Variants in PRKCD observed in about 807,000 individuals in gnomAD.
PRKCD encodes the protein protein kinase C delta, also known as protein kinase C delta type.
A neutral mutation model predicts 82.2 loss-of-function variants in PRKCD; 20 were observed. The observed-to-expected ratio is 0.24, with a 90% CI of 0.17 to 0.35. The LOEUF is 0.35. PRKCD is among the 10% of genes least tolerant of loss of function. PRKCD has a pLI of 1.00. For missense variants in PRKCD, 607 were observed against 899.0 expected (o/e 0.68, Z 4.15); for synonymous variants, 317 against 337.0 (o/e 0.94, Z 0.65).
chr3:53,176,668 C>A (rs1553665968), intron 2 of PRKCD, among the ~76,000 whole-genome samples: 1 of 152,258 alleles, frequency 6.6e-6, no homozygotes, highest in African/African-American at 2.4e-5. Flanking sequence ...CCTGTGTGTC[C>A]TTCACAAGTG....
chr3:53,173,072 C>T (rs1038372781), intron 2 of PRKCD, among the ~76,000 whole-genome samples: 7 of 152,238 alleles, frequency 4.6e-5, no homozygotes, highest in African/African-American at 1.4e-4. Context: ...TCACCTTTGA[C>T]AAAACCATTA....
In PRKCD at chr3:53,192,412, C is replaced by T. The variant is rs931952541; in HGVS notation, c.*146C>T. On this transcript the variant is annotated 3_prime_UTR_variant, in exon 19 of 19. Coordinates refer to ENST00000330452, the MANE Select transcript of PRKCD (RefSeq NM_006254.4). Reference sequence around the variant, plus strand: ...CTTGGCTGCCGTCTGGCCGGGCTCTCATGGTACTTCCTCTGTGAACTGTGT... The same window carrying T: ...CTTGGCTGCCGTCTGGCCGGGCTCTTATGGTACTTCCTCTGTGAACTGTGT... 5.9e-6 allele frequency: 5 copies of T among 853,830 alleles called. No individual in the cohort carries two copies. Among genetic ancestry groups the T allele is most frequent in the Non-Finnish European group, 9.2e-6 (5 of 542,326 alleles). The allele number at this position is 853,830 out of a possible 1,614,324, so 52.9% of individuals were successfully genotyped here.
At chr3:53,165,346 C>T (rs1349921586) in intron 2 of PRKCD, 131 bp downstream of exon 2, 1 of 152,294 alleles carries the variant, frequency 6.6e-6, no homozygotes, top group Non-Finnish European at 1.5e-5. Context: ...GTTGTGGGCC[C>T]TGTGTGCCCA....
intron 15 of PRKCD, 76 bp downstream of exon 15, chr3:53,187,478 C>A: frequency 6.6e-7 from 1 of 1,504,530 alleles, no homozygotes; most frequent in Non-Finnish European, 9.2e-7. Flanking sequence ...ATGCTCCAAG[C>A]AGGATCCCCC....
Position 53,183,212 on chromosome 3 carries a change from C to A in PRKCD, c.657+6C>A. ...CCAACAGCCGGGACACTATAGTGAG[C>A]CTGGGTCCGGGGCAGGGCTGGGGAT... On this transcript the variant is annotated splice_donor_region_variant and intron_variant, in intron 8 of 18. Coordinates refer to ENST00000330452, the MANE Select transcript of PRKCD (RefSeq NM_006254.4). 1 of 1,613,798 alleles carries A rather than the reference C, an allele frequency of 6.2e-7. No individual in the cohort carries two copies. The highest frequency in any genetic ancestry group is 8.5e-7 in the Non-Finnish European group (1 of 1,179,778).
rs782624317 is a variant in PRKCD at position 53,192,250 on chromosome 3, A to C, written c.2015A>C (p.His672Pro). The C allele has an allele frequency of 6.2e-7, 1 of 1,613,844 alleles. No individual in the cohort carries two copies. Among genetic ancestry groups the C allele is most frequent in the East Asian group, 2.2e-5 (1 of 44,878 alleles). ...GFSFVNPKFE[H>P]LLED ...TCCTTTGTGAACCCCAAATTCGAGC[A>C]CCTCCTGGAAGATTGAGGTTCCTGG... The change falls in exon 19 of 19, where the codon CAC becomes CCC. Residue 672 changes from histidine to proline, a missense_variant. Transcript: ENST00000330452.
chr3:53,192,438 G>A lies in PRKCD; in HGVS notation c.*172G>A. The A allele has an allele frequency of 1.6e-6, 1 of 637,368 alleles. No individual in the cohort carries two copies. The highest frequency in any genetic ancestry group is 2.6e-6 in the Non-Finnish European group (1 of 378,750). 39.5% of individuals were successfully genotyped at this position (637,368 alleles called of 1,614,324 possible). A position where few individuals can be genotyped will look rare whatever the true frequency, so the allele number is the denominator to read the frequency against. On this transcript the variant is annotated 3_prime_UTR_variant, in exon 19 of 19. Coordinates refer to ENST00000330452, the MANE Select transcript of PRKCD (RefSeq NM_006254.4). ...ATGGTACTTCCTCTGTGAACTGTGT[G>A]TGAATCTGCTTTTCCTCTGCCTTCG...
chr3:53,171,713 A>G (rs1205820164), intron 2 of PRKCD, among the ~76,000 whole-genome samples: 1 of 152,258 alleles, frequency 6.6e-6, no homozygotes, highest in African/African-American at 2.4e-5. Flanking sequence ...GTGGGAATTC[A>G]GAAGGCTGTT....
At chr3:53,168,215 C>T (rs1444615229) in intron 2 of PRKCD, among the ~76,000 whole-genome samples, 1 of 152,164 alleles carries the variant, frequency 6.6e-6, no homozygotes. Context: ...GAGTGGGCAT[C>T]TGGGACTGAT....
At chr3:53,164,562 G>A (rs904811544) in intron 1 of PRKCD, among the ~76,000 whole-genome samples, 16 of 151,626 alleles carry the variant, frequency 1.1e-4, no homozygotes, top group Non-Finnish European at 2.2e-4. Flanking sequence ...CAGCCTGGGC[G>A]ATAGAGTGAG....
intron 2 of PRKCD, among the ~76,000 whole-genome samples, chr3:53,166,753 G>C (rs547936005): frequency 1.3e-5 from 2 of 152,386 alleles, no homozygotes; most frequent in South Asian, 4.1e-4. Context: ...GTGTGGCTGT[G>C]ATCTCAGTAA....
intron 13 of PRKCD, 117 bp downstream of exon 13, chr3:53,186,457 T>A: frequency 7.4e-7 from 1 of 1,346,844 alleles, no homozygotes; most frequent in East Asian, 2.4e-5. Flanking sequence ...GGCCATGCTT[T>A]CCCCCCTCAT....
intron 18 of PRKCD, among the ~76,000 whole-genome samples, chr3:53,190,933 T>C (rs1337419161): frequency 1.3e-5 from 2 of 152,134 alleles, no homozygotes; most frequent in Non-Finnish European, 2.9e-5. Context: ...TTTTGATAGA[T>C]TTCCTTCTCC....
rs752403737 is a variant in PRKCD at position 53,182,988 on chromosome 3, G to A, written c.572-133G>A. 1,004 of 828,260 alleles carry A rather than the reference G, an allele frequency of 1.2e-3. 1 individual carries two copies. The highest frequency in any genetic ancestry group is 8.7e-4 in the Non-Finnish European group (437 of 502,398). The allele number at this position is 828,260 out of a possible 1,614,324, so 51.3% of individuals were successfully genotyped here. On this transcript the variant is annotated intron_variant, in intron 7 of 18. Transcript: ENST00000330452. ...GAAGACTCAAGCGCTGGGCCTCTGC[G>A]GGGTGAGGGTGTGGGCGGTCAGGAG...
At chr3:53,189,284 G>A in intron 17 of PRKCD, 38 bp downstream of exon 17, 1 of 1,552,616 alleles carries the variant, frequency 6.4e-7, no homozygotes, top group South Asian at 1.2e-5. Flanking sequence ...GTCTGGGCTG[G>A]GCTGGGGCAG....
chr3:53,181,114 T>C, intron 4 of PRKCD, 93 bp from the exon 5 acceptor site: 1 of 1,407,318 alleles, frequency 7.1e-7, no homozygotes. Flanking sequence ...GCCTTGGCCT[T>C]GGGGGACCAG....
chr3:53,186,113 G>A, intron 12 of PRKCD, 54 bp from the exon 13 acceptor site: 1 of 1,607,538 alleles, frequency 6.2e-7, no homozygotes, highest in Non-Finnish European at 8.5e-7. Flanking sequence ...CTGTGAATCG[G>A]GCTGTGGCCC....
chr3:53,168,320 G>T (rs558634533), intron 2 of PRKCD, among the ~76,000 whole-genome samples: 45 of 152,366 alleles, frequency 3.0e-4, no homozygotes, highest in Admixed American at 1.1e-3. Flanking sequence ...AAGAAGGTCA[G>T]CACAGTTAGG....
chr3:53,166,887 G>T lies in PRKCD; in HGVS notation c.-20+1672G>T, dbSNP rs933082886. Among the ~76,000 whole-genome samples, 4 of 152,262 alleles carry T rather than the reference G, an allele frequency of 2.6e-5. No homozygotes were observed. The East Asian group carries it at 7.7e-4, about 29-fold the overall frequency. On this transcript the variant is annotated intron_variant, in intron 2 of 18. Transcript: ENST00000330452. ...GGGAGATGGGAGGCATGAATGCGGGGGAGAGGCTGTGTCAGCTGTGCCAGC... is the reference window on the plus strand; with the variant it reads ...GGGAGATGGGAGGCATGAATGCGGGTGAGAGGCTGTGTCAGCTGTGCCAGC...
Sources: gnomAD v4.1 joint callset for allele counts (sites outside exome capture counted in the v4.1 genomes callset) on GRCh38, gnomAD v4.1.1 for gene constraint, MANE v1.5 for transcripts, NCBI Gene and HGNC (gene_info 2026-07-23, HGNC 2026-07-21) for gene names.